The following DPP10 variants were observed in gnomAD, a reference collection of about 807,000 sequenced individuals.
DPP10 encodes the protein inactive dipeptidyl peptidase 10.
DPP10 carries 33 observed loss-of-function variants against 120.9 expected under a neutral mutation model. That is an observed-to-expected ratio of 0.27 (90% confidence interval 0.21 to 0.37). The LOEUF is 0.37. DPP10 is among the 10% of genes least tolerant of loss of function. The pLI is 1.00. For missense variants in DPP10, 816 were observed against 942.8 expected, an observed-to-expected ratio of 0.87 and a Z score of 1.76; for synonymous variants, 337 against 326.1, an observed-to-expected ratio of 1.03 and a Z score of -0.36.
rs927914704 is a variant in DPP10, at chr2:115,167,720, G to A, written c.61-141519G>A. 6.1e-4 allele frequency among the ~76,000 whole-genome samples: 92 copies of A among 151,786 alleles called. 5 individuals are homozygous for A. Among genetic ancestry groups the A allele is most frequent in the Non-Finnish European group, 1.5e-5 (1 of 67,974 alleles). ...CACATATTAGTATGATTACACATGA[G>A]TTTTTGGGTGCATGCAAATATTATA... is the stretch of plus-strand genomic sequence containing the variant. On this transcript the variant is annotated intron_variant, in intron 1 of 25. Transcript: ENST00000410059.
intron 1 of DPP10, among the ~76,000 whole-genome samples, chr2:114,648,905 T>A (rs1239746659): frequency 7.2e-5 from 11 of 152,136 alleles, no homozygotes. Context: ...TGTGGGAAAA[T>A]ATGCCAAATT....
chr2:115,770,007 A>G (rs951103266), intron 13 of DPP10, among the ~76,000 whole-genome samples: 1 of 152,082 alleles, frequency 6.6e-6, no homozygotes, highest in African/African-American at 2.4e-5. Flanking sequence ...TATTTGTAAG[A>G]GATAGTGAAG....
chr2:115,770,737 C>T (rs2149821499), intron 13 of DPP10, among the ~76,000 whole-genome samples: 1 of 152,132 alleles, frequency 6.6e-6, no homozygotes, highest in Non-Finnish European at 1.5e-5. Flanking sequence ...GACATATATG[C>T]ACTATAAAAT....
At chr2:115,814,772 C>T in intron 19 of DPP10, 21 bp from the exon 20 acceptor site, 1 of 1,493,622 alleles carries the variant, frequency 6.7e-7, no homozygotes, top group Non-Finnish European at 9.1e-7. Flanking sequence ...TTGTTTTGGT[C>T]CAATATGTTG....
chr2:115,694,297 C>T (rs1037200169), intron 7 of DPP10, among the ~76,000 whole-genome samples: 3 of 152,044 alleles, frequency 2.0e-5, no homozygotes, highest in Admixed American at 2.0e-4. Flanking sequence ...AATAAAGAGG[C>T]TTGTAGTGTT....
At chr2:115,298,461 G>A (rs1207121170) in intron 1 of DPP10, among the ~76,000 whole-genome samples, 1 of 152,008 alleles carries the variant, frequency 6.6e-6, no homozygotes, top group Non-Finnish European at 1.5e-5. Context: ...TGTCACTCCA[G>A]GACTTAATCT....
At position 115,786,978 on chromosome 2, in the gene DPP10, A is replaced by G. The variant is rs535198378; in HGVS notation, c.1532-4103A>G. Among the ~76,000 whole-genome samples the G allele has an allele frequency of 7.2e-5, 11 of 152,338 alleles. No homozygotes were observed. In the South Asian group the frequency reaches 2.3e-3, roughly 32 times the overall value. ...CTCACAGAGTGGTGGGATTTGCTCA[A>G]GTTATAATCAGCACAGTAGTGGAAC... On this transcript the variant is annotated intron_variant, in intron 17 of 25. Transcript: ENST00000410059.
intron 1 of DPP10, among the ~76,000 whole-genome samples, chr2:114,870,956 G>A (rs1371378243): frequency 7.9e-6 from 1 of 127,386 alleles, no homozygotes; most frequent in Non-Finnish European, 1.7e-5. Context: ...ATGGTCAGAG[G>A]TGTCAGTGAC....
chr2:115,188,325 G>GA (rs1252490867), intron 1 of DPP10, among the ~76,000 whole-genome samples: 3 of 152,150 alleles, frequency 2.0e-5, no homozygotes, highest in African/African-American at 7.2e-5. Flanking sequence ...AAATATGGGA[G>GA]AAAACGGGAT....
intron 3 of DPP10, among the ~76,000 whole-genome samples, chr2:115,370,945 A>G (rs760847411): frequency 9.2e-5 from 14 of 152,146 alleles, no homozygotes; most frequent in Admixed American, 3.9e-4. Context: ...TGTCTTCTTC[A>G]AATAAAAACA....
chr2:114,455,302 A>C (rs1336097187), intron 1 of DPP10, among the ~76,000 whole-genome samples: 3 of 151,954 alleles, frequency 2.0e-5, no homozygotes, highest in African/African-American at 7.2e-5. Flanking sequence ...CCCAGCACTT[A>C]GGGAGGCCAA....
rs922885488 is a variant in DPP10 at position 115,707,465 on chromosome 2, C to G, written c.576+17544C>G. 8.7e-5 allele frequency among the ~76,000 whole-genome samples: 12 copies of G among 137,960 alleles called. No individual in the cohort carries two copies. In the South Asian group the frequency reaches 1.3e-3, roughly 14 times the overall value. 90.5% of individuals were successfully genotyped at this position (137,960 alleles called of 152,430 possible). A position where few individuals can be genotyped will look rare whatever the true frequency, so the allele number is the denominator to read the frequency against. On this transcript the variant is annotated intron_variant, in intron 7 of 25. Transcript: ENST00000410059. ...ACACACACACACACACACACACACTCTCTCCACATTTTTTATTGGAATACG... is the reference window on the plus strand; with the variant it reads ...ACACACACACACACACACACACACTGTCTCCACATTTTTTATTGGAATACG...
At chr2:114,678,166 G>A (rs1698790516) in intron 1 of DPP10, among the ~76,000 whole-genome samples, 1 of 152,044 alleles carries the variant, frequency 6.6e-6, no homozygotes, top group Non-Finnish European at 1.5e-5. Flanking sequence ...ATTCCAAGTA[G>A]TAGCTCTGAA....
intron 5 of DPP10, among the ~76,000 whole-genome samples, chr2:115,688,130 G>A (rs565310220): frequency 6.6e-6 from 1 of 152,176 alleles, no homozygotes; most frequent in East Asian, 1.9e-4. Context: ...TAAATTTGTA[G>A]TAAGTATGGA....
At chr2:114,574,197 G>A (rs1455156895) in intron 1 of DPP10, among the ~76,000 whole-genome samples, 1 of 152,130 alleles carries the variant, frequency 6.6e-6, no homozygotes, top group East Asian at 1.9e-4. Flanking sequence ...CATGTGACTA[G>A]ACCCAGTCTG....
intron 2 of DPP10, among the ~76,000 whole-genome samples, chr2:115,337,457 C>T (rs567509562): frequency 6.6e-6 from 1 of 151,262 alleles, no homozygotes; most frequent in South Asian, 2.1e-4. Context: ...ATGAAGAAAA[C>T]CTAAAGTCAG....
intron 1 of DPP10, among the ~76,000 whole-genome samples, chr2:115,062,921 G>A (rs1706533474): frequency 6.6e-6 from 1 of 152,142 alleles, no homozygotes; most frequent in African/African-American, 2.4e-5. Flanking sequence ...TGGGATTGCT[G>A]GGTCAAATGG....
intron 1 of DPP10, among the ~76,000 whole-genome samples, chr2:114,595,736 A>G (rs1573749717): frequency 6.6e-6 from 1 of 152,130 alleles, no homozygotes; most frequent in Non-Finnish European, 1.5e-5. Context: ...ATGAATTTCA[A>G]TGAAAGCAAT....
intron 3 of DPP10, among the ~76,000 whole-genome samples, chr2:115,404,480 G>T (rs2068359939): frequency 6.6e-6 from 1 of 152,084 alleles, no homozygotes; most frequent in Non-Finnish European, 1.5e-5. Flanking sequence ...TATAAACATT[G>T]AGGAAAGAAA....
Sources: allele counts gnomAD v4.1 joint callset (sites outside exome capture counted in the v4.1 genomes callset), GRCh38; gene constraint gnomAD v4.1.1; transcripts MANE v1.5; gene names NCBI Gene and HGNC (gene_info 2026-07-23, HGNC 2026-07-21).